Variants in P2RY14 observed in about 807,000 individuals in gnomAD.
The protein encoded by P2RY14 is purinergic receptor P2Y14.
Under a neutral mutation model 0.9 loss-of-function variants are expected in P2RY14, and 2 were observed. That is an observed-to-expected ratio of 2.16 (90% CI 0.88 to 6.79). The LOEUF (loss-of-function observed/expected upper bound fraction) is 6.79, where lower values mean the gene tolerates loss of function less well. Among genes scored for constraint, P2RY14 ranks in the 30% most tolerant of loss-of-function variants. P2RY14 has a pLI of 0.05. For synonymous variants in P2RY14, 158 were observed against 147.2 expected (o/e 1.07, Z -0.53); for missense variants, 378 against 400.1 (o/e 0.94, Z 0.47).
At chr3:151,251,394 A>G (rs1431880803) in intron 1 of P2RY14, among the ~76,000 whole-genome samples, 1 of 150,100 alleles carries the variant, frequency 6.7e-6, no homozygotes, top group Non-Finnish European at 1.5e-5. Flanking sequence ...TTTTTTTTTT[A>G]TGCTTAAATA....
At chr3:151,237,852 T>G (rs1220264521) in intron 1 of P2RY14, among the ~76,000 whole-genome samples, 1 of 152,216 alleles carries the variant, frequency 6.6e-6, no homozygotes, top group Non-Finnish European at 1.5e-5. Flanking sequence ...CACTGGTATT[T>G]CTATGAAATG....
chr3:151,245,590 C>T (rs1219020410), intron 1 of P2RY14, among the ~76,000 whole-genome samples: 1 of 150,548 alleles, frequency 6.6e-6, no homozygotes, highest in Admixed American at 6.6e-5. Flanking sequence ...TGAAAACTCT[C>T]AATAAATTAG....
chr3:151,242,527 G>T (rs559698024), intron 1 of P2RY14, among the ~76,000 whole-genome samples: 15 of 152,148 alleles, frequency 9.9e-5, no homozygotes, highest in African/African-American at 3.6e-4. Flanking sequence ...CACACAGCAG[G>T]GTATTCCAAC....
chr3:151,238,393 C>T (rs1181291575), intron 1 of P2RY14, among the ~76,000 whole-genome samples: 5 of 152,132 alleles, frequency 3.3e-5, no homozygotes, highest in Non-Finnish European at 7.4e-5. Context: ...GTGATCCACC[C>T]GCCTCAGCCT....
At chr3:151,246,469 T>C (rs1478919099) in intron 1 of P2RY14, among the ~76,000 whole-genome samples, 2 of 151,998 alleles carry the variant, frequency 1.3e-5, no homozygotes, top group East Asian at 3.9e-4. Context: ...TAACGCCGCA[T>C]ATCTACAACT....
At chr3:151,250,940 G>A (rs553302212) in intron 1 of P2RY14, among the ~76,000 whole-genome samples, 1 of 152,280 alleles carries the variant, frequency 6.6e-6, no homozygotes, top group African/African-American at 2.4e-5. Context: ...TTTTCCATTT[G>A]TGTGTTGTGT....
rs1576990099 is a variant in P2RY14 at position 151,214,034 on chromosome 3, T to C, written c.283A>G (p.Arg95Gly). The C allele has an allele frequency of 6.2e-7, 1 of 1,614,112 alleles. No homozygotes were observed. Among genetic ancestry groups the C allele is most frequent in the East Asian group, 2.2e-5 (1 of 44,868 alleles). The change falls in exon 3 of 3, where the codon AGG (arginine) becomes GGG (glycine). Residue 95 changes from arginine (R) to glycine (G), a missense_variant. Coordinates refer to ENST00000309170, the MANE Select transcript of P2RY14 (RefSeq NM_014879.4). ...ACGTAGAAGAGCACGGCAGAGACCC[T>C]GCACACAAACACGTTCAGCTGCCAG... ...GPWQLNVFVC[R>G]VSAVLFYVNM... is the part of the protein sequence containing the mutation.
chr3:151,223,905 C>A (rs562966872), intron 1 of P2RY14, among the ~76,000 whole-genome samples: 1 of 152,248 alleles, frequency 6.6e-6, no homozygotes, highest in Non-Finnish European at 1.5e-5. Context: ...AGCCTCCTTA[C>A]ACCCAACCAA....
intron 1 of P2RY14, among the ~76,000 whole-genome samples, chr3:151,240,501 AATTT>A (rs1459118092): frequency 6.6e-6 from 1 of 152,184 alleles, no homozygotes; most frequent in Non-Finnish European, 1.5e-5. Flanking sequence ...TCTGTTTTAA[AATTT>A]ATTTAATAGG....
intron 1 of P2RY14, among the ~76,000 whole-genome samples, chr3:151,255,319 G>A (rs938940369): frequency 1.3e-5 from 2 of 152,112 alleles, no homozygotes; most frequent in Middle Eastern, 3.2e-3. Context: ...GACATGCAGT[G>A]TGACTTAAAT....
chr3:151,244,135 C>CA (rs970189612), intron 1 of P2RY14, among the ~76,000 whole-genome samples: 4 of 126,362 alleles, frequency 3.2e-5, no homozygotes, highest in South Asian at 5.8e-4. Context: ...GAGTGACCTA[C>CA]AAAGAGACTT....
chr3:151,235,036 G>A (rs1230842929), intron 1 of P2RY14, among the ~76,000 whole-genome samples: 1 of 152,214 alleles, frequency 6.6e-6, no homozygotes, highest in Admixed American at 6.5e-5. Context: ...TGCGGTGGAG[G>A]TTGTGAAGAA....
At chr3:151,225,041 C>T (rs983112338) in intron 1 of P2RY14, among the ~76,000 whole-genome samples, 6 of 152,052 alleles carry the variant, frequency 3.9e-5, no homozygotes, top group African/African-American at 1.4e-4. Context: ...TGTCATCAGC[C>T]TCCTAGCTTT....
At chr3:151,236,682 G>A (rs890250749) in intron 1 of P2RY14, among the ~76,000 whole-genome samples, 5 of 152,116 alleles carry the variant, frequency 3.3e-5, no homozygotes, top group Non-Finnish European at 7.4e-5. Flanking sequence ...AAAAGTGTGT[G>A]TGAATGAAGT....
chr3:151,226,318 G>A (rs1356328587), intron 1 of P2RY14, among the ~76,000 whole-genome samples: 1 of 152,250 alleles, frequency 6.6e-6, no homozygotes, highest in Non-Finnish European at 1.5e-5. Context: ...ACGAGAGGCT[G>A]TCACAGTGGG....
intron 1 of P2RY14, among the ~76,000 whole-genome samples, chr3:151,239,053 T>C (rs985717390): frequency 6.6e-6 from 1 of 152,262 alleles, no homozygotes; most frequent in Non-Finnish European, 1.5e-5. Context: ...TTCTGTCTGC[T>C]GTTGTGAGTT....
At chr3:151,249,790 G>A (rs1736478564) in intron 1 of P2RY14, among the ~76,000 whole-genome samples, 1 of 152,046 alleles carries the variant, frequency 6.6e-6, no homozygotes, top group African/African-American at 2.4e-5. Context: ...TCTTTAACAA[G>A]TTCTTCCTGG....
intron 1 of P2RY14, among the ~76,000 whole-genome samples, chr3:151,242,113 G>C (rs987098994): frequency 3.9e-5 from 6 of 152,154 alleles, no homozygotes; most frequent in Non-Finnish European, 7.3e-5. Context: ...CACCTGGCTC[G>C]GAGGGTCCTA....
At chr3:151,231,465 A>G (rs1400625323) in intron 1 of P2RY14, among the ~76,000 whole-genome samples, 1 of 152,224 alleles carries the variant, frequency 6.6e-6, no homozygotes, top group Non-Finnish European at 1.5e-5. Context: ...ATGCCTCCTG[A>G]TATGATTTAG....
Sources: allele counts gnomAD v4.1 joint callset (sites outside exome capture counted in the v4.1 genomes callset), GRCh38; gene constraint gnomAD v4.1.1; transcripts MANE v1.5; gene names NCBI Gene and HGNC (gene_info 2026-07-23, HGNC 2026-07-21).